The following PARP6 variants were observed in gnomAD, a reference collection of about 807,000 sequenced individuals.
The protein encoded by PARP6 is poly(ADP-ribose) polymerase family member 6.
In PARP6, 27 loss-of-function variants were observed where a neutral mutation model predicts 92.0. The observed-to-expected ratio is 0.29, with a 90% CI of 0.22 to 0.40. The LOEUF is 0.40. PARP6 is among the 10% of genes least tolerant of loss of function. The pLI, the probability that PARP6 is intolerant of heterozygous loss-of-function variation, is 1.00. For missense variants in PARP6, 501 were observed against 784.5 expected (o/e 0.64, Z 4.32); for synonymous variants, 272 against 281.2 (o/e 0.97, Z 0.33).
chr15:72,261,807 C>T, intron 8 of PARP6, 100 bp from the exon 9 acceptor site: 2 of 1,142,118 alleles, frequency 1.8e-6, no homozygotes, highest in Non-Finnish European at 2.6e-6. Flanking sequence ...CCAAGGACTG[C>T]AAAGCTAGTT....
In PARP6 at chr15:72,258,065, T is replaced by G; in HGVS notation, c.878A>C (p.His293Pro). Residue 293 changes from histidine (H) to proline (P), a missense_variant, in exon 12 of 24, where the codon CAT (histidine) becomes CCT (proline). Coordinates refer to ENST00000569795, the MANE Select transcript of PARP6 (RefSeq NM_001323532.2). Reference sequence around the variant, plus strand: ...CAGCATAGATCCATTTTGGAAGACATGCTGCTCATCACACACCACACAGTA... The same window carrying G: ...CAGCATAGATCCATTTTGGAAGACAGGCTGCTCATCACACACCACACAGTA... ...NEYCVVCDEQHVFQNGSMLKP... is the reference protein window; with the variant it reads ...NEYCVVCDEQPVFQNGSMLKP... The G allele has an allele frequency of 6.2e-7, 1 of 1,613,774 alleles. No individual in the cohort carries two copies.
intron 15 of PARP6, chr15:72,254,095 CCT>C (rs1159860886): frequency 6.3e-6 from 3 of 476,968 alleles, no homozygotes; most frequent in East Asian, 6.3e-5. Flanking sequence ...GATGTAGGCC[CCT>C]GTGTCTAGTT....
At position 72,242,762 on chromosome 15, in the gene PARP6, C is replaced by T; in HGVS notation, c.1562-63G>A. ...ATTTACGAAAGTGCCTACTATGTCC[C>T]AGCACTGAGCTAGATGCTCATCAAA... On this transcript the variant is annotated intron_variant, in intron 20 of 23. Coordinates refer to ENST00000569795, the MANE Select transcript of PARP6 (RefSeq NM_001323532.2). The surrounding 1 kb of genome is among the most constrained non-coding windows in gnomAD (Gnocchi z 4.3). 3 of 932,906 alleles carry T rather than the reference C, an allele frequency of 3.2e-6. No homozygotes were observed. In the South Asian group the frequency reaches 4.5e-5, roughly 14 times the overall value. 57.8% of individuals were successfully genotyped at this position (932,906 alleles called of 1,614,324 possible).
chr15:72,256,542 T>G lies in PARP6; in HGVS notation c.1048A>C (p.Arg350=). The G allele has an allele frequency of 6.3e-7, 1 of 1,593,486 alleles. No homozygotes were observed. Among genetic ancestry groups the G allele is most frequent in the Non-Finnish European group, 8.5e-7 (1 of 1,171,060 alleles). Residue 350 remains arginine (R), a synonymous_variant, in exon 14 of 24, where the codon AGA becomes CGA. Coordinates refer to ENST00000569795, the MANE Select transcript of PARP6 (RefSeq NM_001323532.2). ...TAAGGCTCAAAGATGATGCTCTTTCTAGGGGACTCTAAAGCTGCCCTACAC... is the reference window on the plus strand; with the variant it reads ...TAAGGCTCAAAGATGATGCTCTTTCGAGGGGACTCTAAAGCTGCCCTACAC... The part of the protein sequence containing the change: ...AMCRAALESP[R]KSIIFEPYPS...
At chr15:72,267,740 A>T in intron 2 of PARP6, 69 bp from the exon 3 acceptor site, 1 of 445,284 alleles carries the variant, frequency 2.2e-6, no homozygotes, top group South Asian at 4.2e-5. Context: ...ATACAGGCAC[A>T]CGTATTTATC....
intron 4 of PARP6, 38 bp downstream of exon 4, chr15:72,266,707 A>T (rs1597151169): frequency 2.1e-6 from 3 of 1,461,602 alleles, no homozygotes; most frequent in Non-Finnish European, 2.9e-6. Flanking sequence ...ACATATCTAG[A>T]CCATCCAACA....
rs373275708 is a variant in PARP6, at chr15:72,257,414, G to A, written c.933C>T (p.Cys311=). Residue 311 remains cysteine (C), a synonymous_variant, in exon 13 of 24, where the codon TGC becomes TGT. Transcript: ENST00000569795. Reference sequence around the variant, plus strand: ...CGCCCAGTGTGTAGAAGGAGAAAACGCATAGTTCACGAGTACAGACAGCTG... The same window carrying A: ...CGCCCAGTGTGTAGAAGGAGAAAACACATAGTTCACGAGTACAGACAGCTG... ...LKPAVCTREL[C]VFSFYTLGVM... 14 of 1,613,736 alleles carry A rather than the reference G, an allele frequency of 8.7e-6. No individual in the cohort carries two copies. Among genetic ancestry groups the A allele is most frequent in the African/African-American group, 4.0e-5 (3 of 74,874 alleles).
chr15:72,267,238 A>G (rs1401102911), intron 3 of PARP6: 3 of 587,120 alleles, frequency 5.1e-6, no homozygotes, highest in South Asian at 4.1e-5. Context: ...CTCTTGTCTC[A>G]TTATTTTCTT....
Position 72,242,372 on chromosome 15 carries a change from A to G in PARP6, c.1642-152T>C. 1.5e-6 allele frequency: 1 copy of G among 679,246 alleles called. No individual in the cohort carries two copies. The allele number at this position is 679,246 out of a possible 1,614,324, so 42.1% of individuals were successfully genotyped here. A position where few individuals can be genotyped will look rare whatever the true frequency, so the allele number is the denominator to read the frequency against. On this transcript the variant is annotated intron_variant, in intron 21 of 23. Coordinates refer to ENST00000569795, the MANE Select transcript of PARP6 (RefSeq NM_001323532.2). The surrounding 1 kb of genome is among the most constrained non-coding windows in gnomAD (Gnocchi z 4.3). ...GCCGCCCAGAAAATTCTTCTTTCCCATAATCAGTCTGGATAGGGTCACAGC... is the reference window on the plus strand; with the variant it reads ...GCCGCCCAGAAAATTCTTCTTTCCCGTAATCAGTCTGGATAGGGTCACAGC...
At chr15:72,257,236 G>T in intron 13 of PARP6, 112 bp downstream of exon 13, 1 of 761,460 alleles carries the variant, frequency 1.3e-6, no homozygotes, top group East Asian at 2.5e-5. Flanking sequence ...ATACTACAGT[G>T]GTTATCTTAT....
In PARP6 at chr15:72,242,750, C is replaced by T. The variant is rs759840656; in HGVS notation, c.1562-51G>A. ...CATTTATCAAAAATTTACGAAAGTG[C>T]CTACTATGTCCCAGCACTGAGCTAG... On this transcript the variant is annotated intron_variant, in intron 20 of 23. Transcript: ENST00000569795. The surrounding 1 kb of genome is among the most constrained non-coding windows in gnomAD (Gnocchi z 4.3). 1.7e-5 allele frequency: 19 copies of T among 1,132,722 alleles called. No homozygotes were observed. The highest frequency in any genetic ancestry group is 2.4e-5 in the Non-Finnish European group (18 of 762,934). The allele number at this position is 1,132,722 out of a possible 1,614,324, so 70.2% of individuals were successfully genotyped here.
intron 20 of PARP6, chr15:72,245,640 A>G (rs766400755): frequency 6.6e-6 from 1 of 152,250 alleles, no homozygotes; most frequent in African/African-American, 2.4e-5. Flanking sequence ...AAGGGATTAA[A>G]TTAGATGATC....
rs958980122 is a variant in PARP6, at chr15:72,242,274, C to T, written c.1642-54G>A. 4 of 1,411,080 alleles carry T rather than the reference C, an allele frequency of 2.8e-6. No homozygotes were observed. In the African/African-American group the frequency reaches 4.2e-5, roughly 15 times the overall value. 87.4% of individuals were successfully genotyped at this position (1,411,080 alleles called of 1,614,324 possible). A position where few individuals can be genotyped will look rare whatever the true frequency, so the allele number is the denominator to read the frequency against. The stretch of plus-strand genomic sequence containing the variant: ...GAGCCAGGTAGATGGGTACAGCTTT[C>T]CCTAGAGAGGCTGGTTAGCTGATGA... On this transcript the variant is annotated intron_variant, in intron 21 of 23. Transcript: ENST00000569795. This position sits in a 1 kb window ranked among gnomAD's most constrained non-coding sequence, Gnocchi z 4.3.
chr15:72,256,453 C>T lies in PARP6; in HGVS notation c.1125+12G>A, dbSNP rs557159035. 399 of 1,530,688 alleles carry T rather than the reference C, an allele frequency of 2.6e-4. 8 individuals carry two copies. The South Asian group carries it at 3.5e-3, about 14-fold the overall frequency. 94.8% of individuals were successfully genotyped at this position (1,530,688 alleles called of 1,614,324 possible). A position where few individuals can be genotyped will look rare whatever the true frequency, so the allele number is the denominator to read the frequency against. Reference sequence around the variant, plus strand: ...TTCTGTTCCTTAGCCCTGACTTTCTCAAGTAACATACCTTAGGGTTAAAGG... The same window carrying T: ...TTCTGTTCCTTAGCCCTGACTTTCTTAAGTAACATACCTTAGGGTTAAAGG... On this transcript the variant is annotated intron_variant, in intron 14 of 23. Coordinates refer to ENST00000569795, the MANE Select transcript of PARP6 (RefSeq NM_001323532.2).
At chr15:72,244,582 C>T (rs1280219291) in intron 20 of PARP6, 1 of 152,210 alleles carries the variant, frequency 6.6e-6, no homozygotes, top group Non-Finnish European at 1.5e-5. Flanking sequence ...TTCCAGAGGG[C>T]ACTCAATGCC....
chr15:72,259,448 G>T (rs2085561400), intron 11 of PARP6, among the ~76,000 whole-genome samples, 160 bp downstream of exon 11: 1 of 152,196 alleles, frequency 6.6e-6, no homozygotes, highest in African/African-American at 2.4e-5. Flanking sequence ...AATGCTGTCA[G>T]TTTCTTGAAG....
chr15:72,248,897 T>C (rs569071329), intron 20 of PARP6, among the ~76,000 whole-genome samples: 2 of 152,348 alleles, frequency 1.3e-5, no homozygotes, highest in East Asian at 1.9e-4. Context: ...TGTTTTCACA[T>C]GTAAACTTAC....
chr15:72,265,062 C>T lies in PARP6; in HGVS notation c.328+19G>A, dbSNP rs2141082682. ...GACCACACTCAGACCACCCACTTGC[C>T]CAAAGTCACTGCCTTTACCTGGTCC... On this transcript the variant is annotated intron_variant, in intron 7 of 23. Transcript: ENST00000569795. 6.4e-7 allele frequency: 1 copy of T among 1,573,442 alleles called. No homozygotes were observed.
rs1395331251 is a variant in PARP6, at chr15:72,267,468, T to C, written c.3+7A>G. 1 of 1,613,770 alleles carries C rather than the reference T, an allele frequency of 6.2e-7. No individual in the cohort carries two copies. The highest frequency in any genetic ancestry group is 8.5e-7 in the Non-Finnish European group (1 of 1,179,782). On this transcript the variant is annotated splice_region_variant and intron_variant, in intron 3 of 23. Coordinates refer to ENST00000569795, the MANE Select transcript of PARP6 (RefSeq NM_001323532.2). The stretch of plus-strand genomic sequence containing the variant: ...ATCAGTTGGAGAGGTGGGCAGTCAG[T>C]TCTCACCATTGGGTCAGTGGGTCAC...
Sources: allele counts gnomAD v4.1 joint callset (sites outside exome capture counted in the v4.1 genomes callset), GRCh38; gene constraint gnomAD v4.1.1; non-coding constraint Gnocchi (gnomAD v3.1); transcripts MANE v1.5; gene names NCBI Gene and HGNC (gene_info 2026-07-23, HGNC 2026-07-21).